The following DMXL1 variants were observed in gnomAD, a reference collection of about 807,000 sequenced individuals.
DMXL1 encodes the protein Dmx like 1.
DMXL1 carries 99 observed loss-of-function variants against 319.2 expected under a neutral mutation model. That is an observed-to-expected ratio of 0.31 (90% CI 0.26 to 0.37). DMXL1 has a LOEUF of 0.37. Ranked by LOEUF, DMXL1 falls within the 10% of genes least tolerant of loss-of-function variation. DMXL1 has a pLI of 1.00. For missense variants in DMXL1, 3,745 were observed against 3,595.6 expected, an observed-to-expected ratio of 1.04 and a Z score of -1.06; for synonymous variants, 1,385 against 1,235.2, an observed-to-expected ratio of 1.12 and a Z score of -2.54.
chr5:119,151,782 T>C, intron 18 of DMXL1, 147 bp from the exon 19 acceptor site: 1 of 482,306 alleles, frequency 2.1e-6, no homozygotes, highest in Non-Finnish European at 3.6e-6. Flanking sequence ...TAATGTAAAA[T>C]TCTGTAGAAA....
chr5:119,099,272 G>A (rs1184373717), intron 2 of DMXL1, among the ~76,000 whole-genome samples: 2 of 151,858 alleles, frequency 1.3e-5, no homozygotes, highest in Non-Finnish European at 2.9e-5. Context: ...GTGCAGTGGT[G>A]CAATCTCAGC....
chr5:119,178,875 T>C lies in DMXL1; in HGVS notation c.7135+631T>C, dbSNP rs568019860. ...GCAGTTTAGAAAACTATCTCTGCTA[T>C]TTTATTCTGCTTTTAAATTCTTTGT... On this transcript the variant is annotated intron_variant, in intron 28 of 43. Coordinates refer to ENST00000539542, the MANE Select transcript of DMXL1 (RefSeq NM_001290321.3). Among the ~76,000 whole-genome samples, 70 of 152,152 alleles carry C rather than the reference T, an allele frequency of 4.6e-4. 2 individuals are homozygous for C. In the South Asian group the frequency reaches 0.014, roughly 31 times the overall value.
intron 1 of DMXL1, chr5:119,081,718 C>T (rs1043073457): frequency 2.5e-5 from 25 of 985,104 alleles, no homozygotes; most frequent in South Asian, 9.4e-5. Context: ...TTAACCTTTT[C>T]GTTTTAACTA....
At position 119,167,719 on chromosome 5, in the gene DMXL1, A is replaced by G; in HGVS notation, c.5253A>G (p.Gly1751=). The G allele has an allele frequency of 6.2e-7, 1 of 1,613,700 alleles. No homozygotes were observed. Among genetic ancestry groups the G allele is most frequent in the South Asian group, 1.1e-5 (1 of 91,060 alleles). ...YKSILRKKVL[G]IDSPVSELCS... Reference sequence around the variant, plus strand: ...CTATTTTACGTAAAAAAGTTTTGGGAATCGATTCTCCTGTCAGTGAACTGT... The same window carrying G: ...CTATTTTACGTAAAAAAGTTTTGGGGATCGATTCTCCTGTCAGTGAACTGT... The change falls in exon 23 of 44, where the codon GGA becomes GGG. Residue 1751 remains glycine, a synonymous_variant. Coordinates refer to ENST00000539542, the MANE Select transcript of DMXL1 (RefSeq NM_001290321.3).
intron 28 of DMXL1, among the ~76,000 whole-genome samples, chr5:119,182,899 A>G (rs911613349): frequency 1.3e-5 from 2 of 152,182 alleles, no homozygotes; most frequent in Admixed American, 6.5e-5. Flanking sequence ...TTTTTCTGCT[A>G]ACAGTTAGAA....
At chr5:119,136,190 C>T (rs1765957948) in intron 13 of DMXL1, among the ~76,000 whole-genome samples, 1 of 152,212 alleles carries the variant, frequency 6.6e-6, no homozygotes, top group African/African-American at 2.4e-5. Flanking sequence ...TGGCCCTGCT[C>T]TAGAGATCTG....
In DMXL1 at chr5:119,197,896, C is replaced by T; in HGVS notation, c.7685C>T (p.Ser2562Phe). The T allele has an allele frequency of 6.2e-7, 1 of 1,614,222 alleles. No individual in the cohort carries two copies. The highest frequency in any genetic ancestry group is 8.5e-7 in the Non-Finnish European group (1 of 1,180,030). Reference protein sequence around the residue: ...IASHTAEESLSAGPAILRHKA... With the variant: ...IASHTAEESLFAGPAILRHKA... ...AGTCATACCGCCGAAGAGAGTTTGT[C>T]TGCAGGTCCTGCAATTCTTCGCCAC... Residue 2562 changes from serine (S) to phenylalanine (F), a missense_variant, in exon 32 of 44, where the codon TCT becomes TTT. Coordinates refer to ENST00000539542, the MANE Select transcript of DMXL1 (RefSeq NM_001290321.3).
In DMXL1 at chr5:119,150,274, C is replaced by T. The variant is rs1028576185; in HGVS notation, c.4447C>T (p.Pro1483Ser). The part of the protein sequence containing the change: ...LSQYSPTYFG[P>S]EHAQVLSGHL... Reference sequence around the variant, plus strand: ...ACAGTACAGTCCGACTTACTTTGGACCTGAGCATGCTCAGGTTCTTTCTGG... The same window carrying T: ...ACAGTACAGTCCGACTTACTTTGGATCTGAGCATGCTCAGGTTCTTTCTGG... Residue 1483 changes from proline to serine, a missense_variant, in exon 18 of 44, where the codon CCT becomes TCT. Physicochemically the swap from Pro to Ser is moderately conservative, Grantham distance 74 (BLOSUM62 -1). Coordinates refer to ENST00000539542, the MANE Select transcript of DMXL1 (RefSeq NM_001290321.3). The T allele has an allele frequency of 6.2e-7, 1 of 1,613,744 alleles. No individual in the cohort carries two copies. Among genetic ancestry groups the T allele is most frequent in the African/African-American group, 1.3e-5 (1 of 74,962 alleles).
At chr5:119,103,081 G>T (rs375890242) in intron 3 of DMXL1, among the ~76,000 whole-genome samples, 4 of 148,932 alleles carry the variant, frequency 2.7e-5, no homozygotes, top group South Asian at 4.2e-4. Flanking sequence ...AAAATTAAAA[G>T]ATTTTTTTTT....
At chr5:119,240,387 C>T (rs1788553483) in intron 41 of DMXL1, 32 bp from the exon 42 acceptor site, 1 of 1,500,900 alleles carries the variant, frequency 6.7e-7, no homozygotes, top group Non-Finnish European at 9.1e-7. Flanking sequence ...GCTTTTGTGT[C>T]ACTCAGAAGT....
chr5:119,244,335 G>C, intron 42 of DMXL1, 24 bp from the exon 43 acceptor site: 1 of 1,417,718 alleles, frequency 7.1e-7, no homozygotes, highest in South Asian at 1.3e-5. Context: ...AAGTGTTTTT[G>C]TTTTTTTTTT....
chr5:119,160,851 A>G (rs1023117685), intron 19 of DMXL1, among the ~76,000 whole-genome samples: 1 of 152,020 alleles, frequency 6.6e-6, no homozygotes, highest in South Asian at 2.1e-4. Flanking sequence ...TTCGGTTTCT[A>G]TTTGAGTAGG....
chr5:119,162,149 G>A (rs1486795174), intron 19 of DMXL1, among the ~76,000 whole-genome samples: 1 of 152,136 alleles, frequency 6.6e-6, no homozygotes, highest in African/African-American at 2.4e-5. Flanking sequence ...AAGCAAATCA[G>A]CTGGGATGGG....
At position 119,240,778 on chromosome 5, in the gene DMXL1, C is replaced by G. The variant is rs562556454; in HGVS notation, c.8704+307C>G. 1.2e-4 allele frequency among the ~76,000 whole-genome samples: 18 copies of G among 152,298 alleles called. No individual in the cohort carries two copies. In the South Asian group the frequency reaches 3.3e-3, roughly 28 times the overall value. ...AATATTATGTCCCCTCTTACCACTC[C>G]TATTCAACATTGCACTGGAATTCCT... On this transcript the variant is annotated intron_variant, in intron 42 of 43. Transcript: ENST00000539542.
chr5:119,202,977 T>G (rs1781098523), intron 32 of DMXL1, among the ~76,000 whole-genome samples: 1 of 149,532 alleles, frequency 6.7e-6, no homozygotes, highest in Non-Finnish European at 1.5e-5. Flanking sequence ...GAAACATAAA[T>G]GAATTTTTAA....
intron 13 of DMXL1, among the ~76,000 whole-genome samples, chr5:119,139,990 A>G (rs1457999969): frequency 1.3e-5 from 2 of 152,220 alleles, no homozygotes; most frequent in African/African-American, 2.4e-5. Context: ...AGTCAATTAC[A>G]TGGATATTAA....
intron 19 of DMXL1, among the ~76,000 whole-genome samples, chr5:119,155,847 AAACTT>A (rs1458638244): frequency 2.7e-5 from 4 of 148,956 alleles, no homozygotes; most frequent in Non-Finnish European, 4.5e-5. Context: ...AAAAAAAACA[AAACTT>A]CAGCAGATGA....
chr5:119,118,970 C>G lies in DMXL1; in HGVS notation c.899C>G (p.Ala300Gly). The change falls in exon 8 of 44, where the codon GCT becomes GGT. Residue 300 changes from alanine (A) to glycine (G), a missense_variant. Ala to Gly is a moderately conservative substitution (Grantham distance 60). This residue lies in a region of DMXL1 where 2,096 missense variants were observed against 1,985.4 expected (regional missense o/e 1.06). Coordinates refer to ENST00000539542, the MANE Select transcript of DMXL1 (RefSeq NM_001290321.3). ...INLTNNFKRN[A>G]SSKERVQNAL... is the part of the protein sequence containing the mutation. ...TTAACAAATAACTTCAAGAGAAATG[C>G]TTCCAGTAAAGAACGAGTTCAAAAT... 2 of 1,612,786 alleles carry G rather than the reference C, an allele frequency of 1.2e-6. No homozygotes were observed. Among genetic ancestry groups the G allele is most frequent in the African/African-American group, 1.3e-5 (1 of 74,976 alleles).
At chr5:119,155,357 A>T (rs1344878862) in intron 19 of DMXL1, among the ~76,000 whole-genome samples, 1 of 152,206 alleles carries the variant, frequency 6.6e-6, no homozygotes, top group African/African-American at 2.4e-5. Flanking sequence ...TGTGTAATTC[A>T]TGGGAGGAGG....
Sources: allele counts gnomAD v4.1 joint callset (sites outside exome capture counted in the v4.1 genomes callset), GRCh38; gene constraint gnomAD v4.1.1; regional missense constraint gnomAD v4.1.1; transcripts MANE v1.5; gene names NCBI Gene and HGNC (gene_info 2026-07-23, HGNC 2026-07-21).